Variants in SEPHS1 observed in about 807,000 individuals in gnomAD.
SEPHS1 encodes the protein selenophosphate synthetase 1.
In SEPHS1, 7 loss-of-function variants were observed where a neutral mutation model predicts 39.2. The observed-to-expected ratio is 0.18, with a 90% CI of 0.10 to 0.34. SEPHS1 has a LOEUF of 0.34. Ranked by LOEUF, SEPHS1 falls within the 10% of genes least tolerant of loss-of-function variation. SEPHS1 has a pLI of 1.00. For missense variants in SEPHS1, 253 were observed against 514.5 expected (o/e 0.49, Z 4.92); for synonymous variants, 190 against 195.5 (o/e 0.97, Z 0.23).
chr10:13,320,751 C>T (rs998866539), intron 8 of SEPHS1, among the ~76,000 whole-genome samples: 17 of 151,956 alleles, frequency 1.1e-4, no homozygotes, highest in African/African-American at 3.4e-4. Flanking sequence ...TCGCTTGAAC[C>T]GGGGAGGGGG....
In SEPHS1 at chr10:13,325,918, AAAAAAAAAAAAAAAAGAGAC is replaced by A. The variant is rs1833257758; in HGVS notation, c.751+2413_751+2432del. ...CTCAAAAAAAAAAAAAAAAAAAAAA[AAAAAAAAAAAAAAAAGAGAC>A]TCAGTCTCAAAAAAAAAAAAAAAAA... On this transcript the variant is annotated intron_variant, in intron 7 of 8. Transcript: ENST00000327347. 1.1e-4 allele frequency among the ~76,000 whole-genome samples: 8 copies of A among 74,924 alleles called. 2 individuals carry two copies. Among genetic ancestry groups the A allele is most frequent in the African/African-American group, 7.9e-4 (7 of 8,848 alleles). The allele number at this position is 74,924 out of a possible 152,430, so 49.2% of individuals were successfully genotyped here. A position where few individuals can be genotyped will look rare whatever the true frequency, so the allele number is the denominator to read the frequency against.
chr10:13,325,929 AAAAAGAGACTCAGTCTC>A (rs1833259589), intron 7 of SEPHS1, among the ~76,000 whole-genome samples: 1 of 65,840 alleles, frequency 1.5e-5, no homozygotes, highest in Non-Finnish European at 2.5e-5. Flanking sequence ...AAAAAAAAAA[AAAAAGAGACTCAGTCTC>A]AAAAAAAAAA....
chr10:13,331,532 C>G (rs560438235), intron 5 of SEPHS1, among the ~76,000 whole-genome samples: 9 of 152,170 alleles, frequency 5.9e-5, no homozygotes, highest in Non-Finnish European at 1.3e-4. Flanking sequence ...CAGGCGCCTG[C>G]CATCGTGCCC....
intron 2 of SEPHS1, among the ~76,000 whole-genome samples, chr10:13,343,598 G>C (rs1833852951): frequency 6.6e-6 from 1 of 152,112 alleles, no homozygotes; most frequent in African/African-American, 2.4e-5. Flanking sequence ...CAGATCACCT[G>C]AGGTCAGGAG....
In SEPHS1 at chr10:13,338,687, A is replaced by T; in HGVS notation, c.297+18T>A. 3 of 1,593,118 alleles carry T rather than the reference A, an allele frequency of 1.9e-6. No homozygotes were observed. The highest frequency in any genetic ancestry group is 2.6e-6 in the Non-Finnish European group (3 of 1,160,942). On this transcript the variant is annotated intron_variant, in intron 3 of 8. Transcript: ENST00000327347. ...AATAAGCCCTTCCAGTCACAAAAAC[A>T]CATCGGCTCACGCTTACCATCATGT...
chr10:13,319,082 G>A lies in SEPHS1; in HGVS notation c.*60C>T. On this transcript the variant is annotated 3_prime_UTR_variant, in exon 9 of 9. Coordinates refer to ENST00000327347, the MANE Select transcript of SEPHS1 (RefSeq NM_012247.5). ...TTTTTGTTGTTTATAGTCTTTAATT[G>A]AAGTGATAAGGGAAATAGATCTATT... The A allele has an allele frequency of 1.3e-6, 2 of 1,523,652 alleles. No individual in the cohort carries two copies. The highest frequency in any genetic ancestry group is 1.8e-6 in the Non-Finnish European group (2 of 1,106,206). The allele number at this position is 1,523,652 out of a possible 1,614,324, so 94.4% of individuals were successfully genotyped here. A position where few individuals can be genotyped will look rare whatever the true frequency, so the allele number is the denominator to read the frequency against.
At chr10:13,341,192 G>T (rs903092915) in intron 2 of SEPHS1, among the ~76,000 whole-genome samples, 1 of 152,130 alleles carries the variant, frequency 6.6e-6, no homozygotes, top group African/African-American at 2.4e-5. Context: ...AAGAGAGAAG[G>T]GGTGAGCCTG....
rs889138308 is a variant in SEPHS1, at chr10:13,320,388, A to G, written c.965-1032T>C. ...AGTAGAGACAGGGTTTCACCGTGTT[A>G]GCCAGGATGGTCTCGATCTCCTGAC... On this transcript the variant is annotated intron_variant, in intron 8 of 8. Transcript: ENST00000327347. 1.5e-3 allele frequency among the ~76,000 whole-genome samples: 222 copies of G among 151,918 alleles called. 1 individual carries two copies. Among genetic ancestry groups the G allele is most frequent in the African/African-American group, 4.6e-3 (193 of 41,510 alleles).
chr10:13,345,962 T>G (rs1338907863), intron 1 of SEPHS1, among the ~76,000 whole-genome samples: 9 of 152,266 alleles, frequency 5.9e-5, no homozygotes, highest in African/African-American at 2.2e-4. Flanking sequence ...CAGTGGCAGT[T>G]TAACACAGTA....
intron 1 of SEPHS1, 123 bp downstream of exon 1, chr10:13,347,877 G>A (rs1463767116): frequency 1.4e-5 from 2 of 146,558 alleles, no homozygotes; most frequent in African/African-American, 4.9e-5. Flanking sequence ...GGGGCCGGCG[G>A]CGCGCGGCTC....
chr10:13,323,081 C>A (rs752711075), intron 7 of SEPHS1, 34 bp from the exon 8 acceptor site: 3 of 1,571,782 alleles, frequency 1.9e-6, no homozygotes, highest in East Asian at 4.5e-5. Context: ...TGAGAAAAAA[C>A]ACCTTTCCTC....
chr10:13,344,004 G>A (rs79469962), intron 2 of SEPHS1, among the ~76,000 whole-genome samples: 200 of 152,306 alleles, frequency 1.3e-3, no homozygotes, highest in African/African-American at 4.5e-3. Context: ...TTTGGGAAAA[G>A]TGAAATCACT....
At chr10:13,332,479 T>C (rs955054731) in intron 5 of SEPHS1, among the ~76,000 whole-genome samples, 4 of 152,146 alleles carry the variant, frequency 2.6e-5, no homozygotes, top group Non-Finnish European at 4.4e-5. Flanking sequence ...AACCAACACA[T>C]TGTGTACTTC....
At chr10:13,331,532 C>T (rs560438235) in intron 5 of SEPHS1, among the ~76,000 whole-genome samples, 2 of 152,170 alleles carry the variant, frequency 1.3e-5, no homozygotes, top group African/African-American at 4.8e-5. Flanking sequence ...CAGGCGCCTG[C>T]CATCGTGCCC....
intron 8 of SEPHS1, 102 bp from the exon 9 acceptor site, chr10:13,319,458 C>T (rs775658624): frequency 1.7e-6 from 2 of 1,171,572 alleles, no homozygotes; most frequent in South Asian, 2.6e-5. Context: ...CAACTTGCTG[C>T]CACCTATATG....
intron 7 of SEPHS1, among the ~76,000 whole-genome samples, chr10:13,326,947 C>T (rs1387204494): frequency 6.6e-6 from 1 of 152,010 alleles, no homozygotes; most frequent in African/African-American, 2.4e-5. Flanking sequence ...ATTATCTAGT[C>T]ATTAAAAATT....
intron 4 of SEPHS1, among the ~76,000 whole-genome samples, chr10:13,335,244 A>G (rs1284536366): frequency 1.3e-5 from 2 of 152,200 alleles, no homozygotes; most frequent in African/African-American, 2.4e-5. Context: ...ATCCCCCGTC[A>G]CCATCTACGT....
rs1833019006 is a variant in SEPHS1, at chr10:13,318,830, T to C, written c.*312A>G. 6.1e-6 allele frequency: 2 copies of C among 325,470 alleles called. No individual in the cohort carries two copies. The highest frequency in any genetic ancestry group is 1.1e-5 in the Non-Finnish European group (2 of 178,994). The allele number at this position is 325,470 out of a possible 1,614,324, so 20.2% of individuals were successfully genotyped here. On this transcript the variant is annotated 3_prime_UTR_variant, in exon 9 of 9. Transcript: ENST00000327347. The stretch of plus-strand genomic sequence containing the variant: ...ACGACTACGGGTAATGCCTGTGCTA[T>C]GTGAAAGCACCTTTAAAAAGCCTAT...
intron 7 of SEPHS1, among the ~76,000 whole-genome samples, chr10:13,327,258 AAAAAAAAAAG>A (rs1298144404): frequency 1.3e-5 from 2 of 151,174 alleles, no homozygotes; most frequent in African/African-American, 2.4e-5. Flanking sequence ...AAAAAAAAAA[AAAAAAAAAAG>A]TTTACTAGGA....
Sources: allele counts gnomAD v4.1 joint callset (sites outside exome capture counted in the v4.1 genomes callset), GRCh38; gene constraint gnomAD v4.1.1; transcripts MANE v1.5; gene names NCBI Gene and HGNC (gene_info 2026-07-23, HGNC 2026-07-21).